WWC2: variants seen among roughly 807,000 people sequenced by gnomAD.
WWC2 encodes the protein protein WWC2.
In WWC2, 101 loss-of-function variants were observed where a neutral mutation model predicts 138.5. The ratio of observed to expected loss-of-function variants is 0.73; its 90% CI spans 0.62 to 0.86. The LOEUF (loss-of-function observed/expected upper bound fraction) is 0.86, where lower values mean the gene tolerates loss of function less well. Among genes scored for constraint, WWC2 ranks in the 40% least tolerant of loss-of-function variants. WWC2 has a pLI of 0.00. For synonymous variants in WWC2, 558 were observed against 538.4 expected (o/e 1.04, Z -0.50); for missense variants, 1,420 against 1,419.4 (o/e 1.00, Z -0.01).
intron 4 of WWC2, among the ~76,000 whole-genome samples, chr4:183,232,563 G>GTGTTTTCAAGGTTCGTTCA (rs1291445594): frequency 1.3e-5 from 2 of 152,196 alleles, no homozygotes. Flanking sequence ...CACTTGGCAT[G>GTGTTTTCAAGGTTCGTTCA]TGTTTTCAAG....
intron 1 of WWC2, among the ~76,000 whole-genome samples, chr4:183,117,067 G>T (rs1276168162): frequency 2.0e-5 from 3 of 152,012 alleles, no homozygotes; most frequent in African/African-American, 7.2e-5. Flanking sequence ...CTAGGCTTCT[G>T]TGGAACCATC....
At chr4:183,200,525 A>G (rs1386350814) in intron 2 of WWC2, among the ~76,000 whole-genome samples, 2 of 152,118 alleles carry the variant, frequency 1.3e-5, no homozygotes, top group East Asian at 3.9e-4. Context: ...TGGGCCATGA[A>G]TCTAGGCAAG....
At chr4:183,310,397 C>T (rs974066840) in intron 21 of WWC2, among the ~76,000 whole-genome samples, 12 of 151,982 alleles carry the variant, frequency 7.9e-5, no homozygotes, top group Non-Finnish European at 1.5e-5. Flanking sequence ...TGTTATGTGA[C>T]GAAGGTTTAA....
At chr4:183,194,899 A>G (rs1351299473) in intron 2 of WWC2, among the ~76,000 whole-genome samples, 3 of 152,368 alleles carry the variant, frequency 2.0e-5, no homozygotes, top group Middle Eastern at 3.4e-3. Flanking sequence ...AGTTTCTACA[A>G]GTTGTTACCT....
At chr4:183,101,847 TG>T (rs1373062940) in intron 1 of WWC2, among the ~76,000 whole-genome samples, 1 of 152,234 alleles carries the variant, frequency 6.6e-6, no homozygotes, top group Non-Finnish European at 1.5e-5. Context: ...ACTTTTGAAC[TG>T]TTTAAGCCAT....
intron 18 of WWC2, among the ~76,000 whole-genome samples, chr4:183,283,740 A>G (rs1738156253): frequency 6.6e-6 from 1 of 152,248 alleles, no homozygotes; most frequent in African/African-American, 2.4e-5. Context: ...TTATACATGT[A>G]TAATTGCATA....
chr4:183,242,505 G>A (rs574989517), intron 5 of WWC2, among the ~76,000 whole-genome samples: 2 of 152,146 alleles, frequency 1.3e-5, no homozygotes, highest in African/African-American at 2.4e-5. Context: ...ATTTGACTTC[G>A]GCCTAAGCAG....
At chr4:183,144,798 C>G (rs1733403636) in intron 1 of WWC2, among the ~76,000 whole-genome samples, 1 of 152,182 alleles carries the variant, frequency 6.6e-6, no homozygotes, top group Admixed American at 6.5e-5. Context: ...ATTCTACATA[C>G]ACGTTGCATT....
At chr4:183,103,638 C>CTT (rs576659490) in intron 1 of WWC2, among the ~76,000 whole-genome samples, 16 of 120,296 alleles carry the variant, frequency 1.3e-4, no homozygotes, top group East Asian at 7.5e-4. Context: ...TTGTGTTTCT[C>CTT]TTTTTTTTTT....
intron 1 of WWC2, among the ~76,000 whole-genome samples, chr4:183,123,608 T>C (rs1732672088): frequency 6.6e-6 from 1 of 152,156 alleles, no homozygotes; most frequent in African/African-American, 2.4e-5. Flanking sequence ...CTACAGTTCT[T>C]TGTTTTTTAA....
intron 1 of WWC2, among the ~76,000 whole-genome samples, chr4:183,173,923 G>A (rs1026538040): frequency 7.9e-5 from 12 of 152,140 alleles, no homozygotes; most frequent in African/African-American, 2.4e-4. Flanking sequence ...TCTACTAGTG[G>A]GTGGGGTAGT....
intron 6 of WWC2, among the ~76,000 whole-genome samples, chr4:183,247,056 G>C (rs1197458201): frequency 6.6e-6 from 1 of 152,088 alleles, no homozygotes. Flanking sequence ...ATTGACAATA[G>C]AGTTAGAAGA....
intron 1 of WWC2, among the ~76,000 whole-genome samples, chr4:183,174,478 C>T (rs1044502854): frequency 1.3e-5 from 2 of 152,178 alleles, no homozygotes; most frequent in Non-Finnish European, 1.5e-5. Context: ...TGCTTCCCAC[C>T]GTCCCAAATT....
chr4:183,221,519 C>A (rs1735937300), intron 4 of WWC2, among the ~76,000 whole-genome samples: 1 of 152,142 alleles, frequency 6.6e-6, no homozygotes, highest in African/African-American at 2.4e-5. Context: ...GAAAAGAAGT[C>A]TCAGTACATT....
chr4:183,130,636 C>G (rs1215058317), intron 1 of WWC2, among the ~76,000 whole-genome samples: 1 of 152,172 alleles, frequency 6.6e-6, no homozygotes. Context: ...AATAATCTGT[C>G]TGAGGTGACC....
At chr4:183,182,985 CT>C (rs1734679928) in intron 1 of WWC2, among the ~76,000 whole-genome samples, 1 of 152,064 alleles carries the variant, frequency 6.6e-6, no homozygotes, top group African/African-American at 2.4e-5. Context: ...TATGTGTCGA[CT>C]GTGTATGAGG....
At chr4:183,135,054 C>T (rs113860557) in intron 1 of WWC2, among the ~76,000 whole-genome samples, 2 of 152,024 alleles carry the variant, frequency 1.3e-5, no homozygotes, top group Admixed American at 6.6e-5. Context: ...GCCTCAGCTC[C>T]CGAGTAGCTG....
At chr4:183,141,913 A>G (rs1733312192) in intron 1 of WWC2, among the ~76,000 whole-genome samples, 1 of 152,256 alleles carries the variant, frequency 6.6e-6, no homozygotes, top group African/African-American at 2.4e-5. Flanking sequence ...CTTAGCAGAG[A>G]CAAGGCTCTG....
chr4:183,215,679 T>C (rs1735735172), intron 4 of WWC2, among the ~76,000 whole-genome samples: 1 of 152,230 alleles, frequency 6.6e-6, no homozygotes, highest in African/African-American at 2.4e-5. Context: ...CCTCCTTTTC[T>C]AGCTTTGAAG....
Sources: allele counts gnomAD v4.1 joint callset (sites outside exome capture counted in the v4.1 genomes callset), GRCh38; gene constraint gnomAD v4.1.1; transcripts MANE v1.5; gene names NCBI Gene and HGNC (gene_info 2026-07-23, HGNC 2026-07-21).